CCDC167: variants seen among roughly 807,000 people sequenced by gnomAD.
The protein encoded by CCDC167 is coiled-coil domain containing 167.
Under a neutral mutation model 12.7 loss-of-function variants are expected in CCDC167, and 15 were observed. The observed-to-expected ratio is 1.18, with a 90% CI of 0.79 to 1.81. CCDC167 has a LOEUF of 1.81. Among genes scored for constraint, CCDC167 ranks in the 40% most tolerant of loss-of-function variants. The pLI is 0.00. For synonymous variants in CCDC167, 52 were observed against 49.0 expected (o/e 1.06, Z -0.26); for missense variants, 121 against 120.1 (o/e 1.01, Z -0.03).
intron 2 of CCDC167, 112 bp from the exon 3 acceptor site, chr6:37,484,974 G>A: frequency 6.9e-7 from 1 of 1,453,862 alleles, no homozygotes; most frequent in South Asian, 1.1e-5. Context: ...CAGGGGGGGT[G>A]TGCACTGAAG....
intron 1 of CCDC167, among the ~76,000 whole-genome samples, chr6:37,493,384 A>G (rs1389042768): frequency 6.6e-6 from 1 of 152,230 alleles, no homozygotes; most frequent in Non-Finnish European, 1.5e-5. Context: ...GGCTCAAAGC[A>G]CTTTTCAAGA....
rs1016196702 is a variant in CCDC167, at chr6:37,493,424, CATTA to C, written c.42+6394_42+6397del. 3.5e-4 allele frequency among the ~76,000 whole-genome samples: 54 copies of C among 152,352 alleles called. 1 individual carries two copies. Among genetic ancestry groups the C allele is most frequent in the African/African-American group, 1.0e-3 (43 of 41,570 alleles). On this transcript the variant is annotated intron_variant, in intron 1 of 3. Transcript: ENST00000373408. ...GCATCCACCCCGAGCCTTATGAATT[CATTA>C]ATTAAGATGCTGGCAGACAGCCACT...
chr6:37,491,347 T>C (rs969790841), intron 1 of CCDC167, among the ~76,000 whole-genome samples: 4 of 152,204 alleles, frequency 2.6e-5, no homozygotes, highest in Non-Finnish European at 5.9e-5. Flanking sequence ...CACTCCCTAA[T>C]GAACCACTGT....
chr6:37,487,891 C>G (rs1761968334), intron 1 of CCDC167, among the ~76,000 whole-genome samples: 1 of 152,228 alleles, frequency 6.6e-6, no homozygotes, highest in African/African-American at 2.4e-5. Flanking sequence ...CGGTCGAACA[C>G]AAATCAAGGT....
intron 1 of CCDC167, among the ~76,000 whole-genome samples, chr6:37,497,619 C>T (rs370443611): frequency 1.3e-5 from 2 of 152,030 alleles, no homozygotes; most frequent in African/African-American, 4.8e-5. Flanking sequence ...TTTGGGAGGC[C>T]GAGGTGGGCA....
intron 3 of CCDC167, 49 bp downstream of exon 3, chr6:37,484,761 G>A (rs1467826695): frequency 2.5e-6 from 4 of 1,610,054 alleles, no homozygotes; most frequent in Non-Finnish European, 3.4e-6. Context: ...ACCCTTCCTG[G>A]TTCTGGGGAC....
chr6:37,491,994 C>T (rs920913473), intron 1 of CCDC167, among the ~76,000 whole-genome samples: 10 of 152,094 alleles, frequency 6.6e-5, no homozygotes, highest in African/African-American at 2.4e-4. Flanking sequence ...AGCTCCTGGG[C>T]ACAACCTCCA....
At chr6:37,489,553 AG>A (rs926788480) in intron 1 of CCDC167, among the ~76,000 whole-genome samples, 2 of 152,186 alleles carry the variant, frequency 1.3e-5, no homozygotes, top group African/African-American at 4.8e-5. Context: ...CTAGCGTGAG[AG>A]GCCTGGAGCC....
chr6:37,485,525 C>T (rs116221250), intron 1 of CCDC167, among the ~76,000 whole-genome samples: 1,561 of 152,330 alleles, frequency 0.01, 24 homozygotes, highest in African/African-American at 0.035. Flanking sequence ...CTGTTGTCTC[C>T]CCAGCACGAT....
intron 1 of CCDC167, among the ~76,000 whole-genome samples, chr6:37,486,707 T>G (rs1048553577): frequency 6.6e-6 from 1 of 152,186 alleles, no homozygotes; most frequent in African/African-American, 2.4e-5. Context: ...AGGAGGGCTG[T>G]CCTGGGAAAC....
chr6:37,496,855 C>T (rs966273479), intron 1 of CCDC167, among the ~76,000 whole-genome samples: 4 of 152,348 alleles, frequency 2.6e-5, no homozygotes, highest in Non-Finnish European at 4.4e-5. Flanking sequence ...TGATCCCTTG[C>T]AGTCAGGTGG....
chr6:37,486,484 C>T (rs1435088155), intron 1 of CCDC167, among the ~76,000 whole-genome samples: 1 of 152,188 alleles, frequency 6.6e-6, no homozygotes, highest in East Asian at 1.9e-4. Context: ...TCTCTCTCCA[C>T]GGCCAACACC....
intron 1 of CCDC167, among the ~76,000 whole-genome samples, chr6:37,490,830 TC>T (rs140589629): frequency 0.028 from 4,255 of 152,092 alleles, 87 homozygotes; most frequent in Non-Finnish European, 0.046. Flanking sequence ...CAGGGACTCT[TC>T]CTGCAGCCTC....
At chr6:37,492,123 A>G (rs1762029582) in intron 1 of CCDC167, among the ~76,000 whole-genome samples, 1 of 152,134 alleles carries the variant, frequency 6.6e-6, no homozygotes. Context: ...GGTTTTCAGC[A>G]CCTTGCCCAA....
chr6:37,492,109 CAG>C (rs1166082861), intron 1 of CCDC167, among the ~76,000 whole-genome samples: 1 of 152,208 alleles, frequency 6.6e-6, no homozygotes, highest in African/African-American at 2.4e-5. Flanking sequence ...AGCTCCCTTG[CAG>C]AGGTTTTCAG....
intron 1 of CCDC167, among the ~76,000 whole-genome samples, chr6:37,490,303 G>A (rs2113907005): frequency 6.6e-6 from 1 of 152,298 alleles, no homozygotes; most frequent in Non-Finnish European, 1.5e-5. Flanking sequence ...ACCAGCAGTG[G>A]CTAAAAACTG....
chr6:37,489,451 A>G lies in CCDC167; in HGVS notation c.43-4257T>C, dbSNP rs1046275889. Among the ~76,000 whole-genome samples, 10 of 152,172 alleles carry G rather than the reference A, an allele frequency of 6.6e-5. No individual in the cohort carries two copies. The East Asian group carries it at 1.9e-3, about 29-fold the overall frequency. On this transcript the variant is annotated intron_variant, in intron 1 of 3. Transcript: ENST00000373408. ...TCGCTCCGCTTACTCCAGACATGGCATGGTGGGAACCTTGCGATCCTTCCC... is the reference window on the plus strand; with the variant it reads ...TCGCTCCGCTTACTCCAGACATGGCGTGGTGGGAACCTTGCGATCCTTCCC...
chr6:37,483,373 A>T (rs553579160), intron 3 of CCDC167, 84 bp from the exon 4 acceptor site: 2 of 894,688 alleles, frequency 2.2e-6, no homozygotes, highest in East Asian at 4.9e-5. Flanking sequence ...GTGGGTACAC[A>T]CTGCTGAGGG....
chr6:37,484,693 T>C, intron 3 of CCDC167, 117 bp downstream of exon 3: 1 of 1,180,688 alleles, frequency 8.5e-7, no homozygotes, highest in Non-Finnish European at 1.3e-6. Context: ...TGGGGGCTGG[T>C]TCCCTCCCAA....
Sources: gnomAD v4.1 joint callset for allele counts (sites outside exome capture counted in the v4.1 genomes callset) on GRCh38, gnomAD v4.1.1 for gene constraint, MANE v1.5 for transcripts, NCBI Gene and HGNC (gene_info 2026-07-23, HGNC 2026-07-21) for gene names.